Variants in SH3RF2 observed in about 807,000 individuals in gnomAD.
The protein encoded by SH3RF2 is E3 ubiquitin-protein ligase SH3RF2.
SH3RF2 carries 43 observed loss-of-function variants against 59.0 expected under a neutral mutation model. The observed-to-expected ratio is 0.73, with a 90% CI of 0.57 to 0.94. SH3RF2 has a LOEUF of 0.94. Ranked by LOEUF, SH3RF2 falls within the 40% of genes least tolerant of loss-of-function variation. The probability of loss-of-function intolerance (pLI) is 0.00; values close to 1 mark genes in which losing one functional copy is unlikely to be tolerated. For synonymous variants in SH3RF2, 391 were observed against 391.5 expected (o/e 1.00, Z 0.01); for missense variants, 930 against 940.1 (o/e 0.99, Z 0.14).
intron 7 of SH3RF2, chr5:146,055,716 T>G (rs1762640103): frequency 2.0e-6 from 1 of 503,448 alleles, no homozygotes; most frequent in African/African-American, 1.9e-5. Context: ...AGGATGAAAT[T>G]CAAGTCTTCT....
At chr5:145,997,787 C>G in intron 2 of SH3RF2, 1 of 1,560,070 alleles carries the variant, frequency 6.4e-7, no homozygotes. Flanking sequence ...CTCCCTAAAC[C>G]TAAAGAAAAA....
intron 5 of SH3RF2, among the ~76,000 whole-genome samples, chr5:146,015,013 G>C (rs554605504): frequency 3.3e-5 from 5 of 152,252 alleles, no homozygotes; most frequent in African/African-American, 7.2e-5. Context: ...CATGCAGGTG[G>C]CAACTTGAAA....
chr5:146,032,009 C>T (rs970108064), intron 5 of SH3RF2, among the ~76,000 whole-genome samples: 2 of 152,206 alleles, frequency 1.3e-5, no homozygotes, highest in Non-Finnish European at 2.9e-5. Context: ...CAAGGTCCCC[C>T]AGCCAGGTAG....
chr5:146,026,170 G>A (rs1486432558), intron 5 of SH3RF2, among the ~76,000 whole-genome samples: 2 of 152,124 alleles, frequency 1.3e-5, no homozygotes, highest in African/African-American at 2.4e-5. Flanking sequence ...ACACTGGCAG[G>A]AAAAGGTACT....
intron 8 of SH3RF2, among the ~76,000 whole-genome samples, chr5:146,057,102 G>C (rs141637388): frequency 6.6e-6 from 1 of 152,208 alleles, no homozygotes; most frequent in Non-Finnish European, 1.5e-5. Flanking sequence ...TAAGCTCTGC[G>C]ATCTCTCTTG....
Position 146,000,202 on chromosome 5 carries a change from C to A in SH3RF2, c.523C>A (p.Pro175Thr), listed in dbSNP as rs1370785907. Residue 175 changes from proline to threonine, a missense_variant, in exon 3 of 10, where the codon CCA (proline) becomes ACA (threonine). Transcript: ENST00000359120. ...GEINGISGNF[P>T]ASSVEVIKQL... ...AATCAATGGCATCAGCGGGAACTTC[C>A]CAGCCAGCTCCGTGGAAGTCATCAA... The A allele has an allele frequency of 6.2e-7, 1 of 1,613,546 alleles. No homozygotes were observed. The highest frequency in any genetic ancestry group is 1.1e-5 in the South Asian group (1 of 90,930).
chr5:145,942,512 G>A (rs1297476320), intron 2 of SH3RF2, among the ~76,000 whole-genome samples: 2 of 152,208 alleles, frequency 1.3e-5, no homozygotes, highest in African/African-American at 4.8e-5. Context: ...ATGAGGCTGG[G>A]TAGAAACCAG....
At chr5:146,068,090 CT>C (rs1763146370), downstream of SH3RF2, among the ~76,000 whole-genome samples, 1 of 152,260 alleles carries the variant, frequency 6.6e-6, no homozygotes, top group African/African-American at 2.4e-5. Flanking sequence ...AGGAAAGGCG[CT>C]GAGTGGGAGG....
At chr5:145,977,080 G>A (rs969626226) in intron 2 of SH3RF2, among the ~76,000 whole-genome samples, 1 of 152,248 alleles carries the variant, frequency 6.6e-6, no homozygotes, top group Non-Finnish European at 1.5e-5. Flanking sequence ...ATTTACAGAT[G>A]GGAAAACTGA....
chr5:146,059,970 T>C lies in SH3RF2; in HGVS notation c.1660T>C (p.Tyr554His). The C allele has an allele frequency of 6.4e-7, 1 of 1,567,796 alleles. No homozygotes were observed. Among genetic ancestry groups the C allele is most frequent in the Non-Finnish European group, 8.6e-7 (1 of 1,156,820 alleles). ...MVLRPQQFQF[Y>H]QPQGIPSSPS... is the part of the protein sequence containing the mutation. Reference sequence around the variant, plus strand: ...CCTTCGGCCTCAGCAGTTCCAATTCTACCAGCCACAGGGGATCCCCTCCTC... The same window carrying C: ...CCTTCGGCCTCAGCAGTTCCAATTCCACCAGCCACAGGGGATCCCCTCCTC... Residue 554 changes from tyrosine to histidine, a missense_variant, in exon 9 of 10, where the codon TAC becomes CAC. By Grantham distance (83) the Tyr-to-His change is moderately conservative. Coordinates refer to ENST00000359120, the MANE Select transcript of SH3RF2 (RefSeq NM_152550.4).
chr5:145,976,378 C>T (rs1019178040), intron 2 of SH3RF2, among the ~76,000 whole-genome samples: 1 of 151,092 alleles, frequency 6.6e-6, no homozygotes, highest in African/African-American at 2.4e-5. Context: ...CAGTTCTGGA[C>T]CCACAACAAA....
At chr5:145,980,202 A>C (rs1444763592) in intron 2 of SH3RF2, among the ~76,000 whole-genome samples, 7 of 152,186 alleles carry the variant, frequency 4.6e-5, no homozygotes, top group African/African-American at 1.7e-4. Flanking sequence ...ATTCATAGTA[A>C]CAAACGACAA....
chr5:145,950,271 G>A (rs1327022333), intron 2 of SH3RF2, among the ~76,000 whole-genome samples: 1 of 152,162 alleles, frequency 6.6e-6, no homozygotes, highest in African/African-American at 2.4e-5. Context: ...CTGAATCCAA[G>A]GGCTGGGTTC....
chr5:146,040,429 G>A (rs542315206), intron 5 of SH3RF2, among the ~76,000 whole-genome samples: 15 of 152,242 alleles, frequency 9.9e-5, no homozygotes, highest in African/African-American at 3.6e-4. Flanking sequence ...CAGGAGAAGT[G>A]CAAGGTCAGG....
At chr5:146,002,531 A>AGGAAGGAT (rs1760470814) in intron 3 of SH3RF2, among the ~76,000 whole-genome samples, 3 of 141,134 alleles carry the variant, frequency 2.1e-5, no homozygotes, top group Non-Finnish European at 4.7e-5. Flanking sequence ...GAAGGAAGGA[A>AGGAAGGAT]GGAAGGATAA....
chr5:146,052,276 G>C (rs983064052), intron 7 of SH3RF2, among the ~76,000 whole-genome samples: 1 of 152,176 alleles, frequency 6.6e-6, no homozygotes, highest in Non-Finnish European at 1.5e-5. Context: ...ATCCTAAATA[G>C]AGTGTGTGTA....
intron 5 of SH3RF2, among the ~76,000 whole-genome samples, chr5:146,043,591 A>C (rs1484539240): frequency 6.6e-6 from 1 of 152,258 alleles, no homozygotes; most frequent in Admixed American, 6.5e-5. Flanking sequence ...AGATGTTTGC[A>C]TCATCTCAAA....
At chr5:146,000,628 C>T (rs1490262692) in intron 3 of SH3RF2, among the ~76,000 whole-genome samples, 1 of 152,072 alleles carries the variant, frequency 6.6e-6, no homozygotes, top group Non-Finnish European at 1.5e-5. Flanking sequence ...AAAGTATTCA[C>T]TCATTCATTC....
intron 5 of SH3RF2, 130 bp from the exon 6 acceptor site, chr5:146,047,642 A>G (rs1762353312): frequency 1.3e-6 from 1 of 773,654 alleles, no homozygotes; most frequent in Non-Finnish European, 2.1e-6. Flanking sequence ...GAGGACGCAC[A>G]ATGGGTGGCA....
Sources: allele counts gnomAD v4.1 joint callset (sites outside exome capture counted in the v4.1 genomes callset), GRCh38; gene constraint gnomAD v4.1.1; transcripts MANE v1.5; gene names NCBI Gene and HGNC (gene_info 2026-07-23, HGNC 2026-07-21).